Variants in CEP83 observed in about 807,000 individuals in gnomAD.
CEP83 encodes the protein centrosomal protein 83.
Under a neutral mutation model 101.9 loss-of-function variants are expected in CEP83, and 70 were observed. The observed-to-expected ratio is 0.69, with a 90% CI of 0.57 to 0.84. CEP83 has a LOEUF of 0.84. Ranked by LOEUF, CEP83 falls within the 40% of genes least tolerant of loss-of-function variation. The pLI is 0.00. For synonymous variants in CEP83, 264 were observed against 267.9 expected, an observed-to-expected ratio of 0.99 and a Z score of 0.14; for missense variants, 715 against 787.2, an observed-to-expected ratio of 0.91 and a Z score of 1.10.
the CEP83 span, among the ~76,000 whole-genome samples, chr12:94,266,192 C>A: frequency 6.6e-6 from 1 of 152,130 alleles, no homozygotes; most frequent in Non-Finnish European, 1.5e-5. Flanking sequence ...GGAGAAGGCA[C>A]CACTTTGCCG....
At chr12:94,454,990 A>G (rs543833112) in intron 1 of CEP83, among the ~76,000 whole-genome samples, 2 of 152,012 alleles carry the variant, frequency 1.3e-5, no homozygotes, top group Non-Finnish European at 2.9e-5. Context: ...CAGAAGGAAG[A>G]AACTCCGGAC....
chr12:94,441,547 G>T (rs2066397432), intron 1 of CEP83, among the ~76,000 whole-genome samples: 1 of 152,120 alleles, frequency 6.6e-6, no homozygotes. Flanking sequence ...TAGTGAAAAG[G>T]GAACACTTTT....
chr12:94,323,559 C>T (rs991416708), intron 14 of CEP83, among the ~76,000 whole-genome samples: 1 of 152,116 alleles, frequency 6.6e-6, no homozygotes, highest in African/African-American at 2.4e-5. Flanking sequence ...AATCCCAATG[C>T]GTGTACCTGG....
intron 1 of CEP83, among the ~76,000 whole-genome samples, chr12:94,448,212 CA>C (rs1176177369): frequency 6.6e-6 from 1 of 151,790 alleles, no homozygotes; most frequent in Non-Finnish European, 1.5e-5. Context: ...ATATTACAGA[CA>C]AAGGAGGCCA....
intron 11 of CEP83, among the ~76,000 whole-genome samples, chr12:94,349,863 T>C (rs909718941): frequency 6.6e-6 from 1 of 152,046 alleles, no homozygotes; most frequent in African/African-American, 2.4e-5. Flanking sequence ...ACACTAACAA[T>C]GAATACTATG....
chr12:94,312,875 A>C (rs1970086127), intron 15 of CEP83, 39 bp downstream of exon 15: 3 of 1,284,636 alleles, frequency 2.3e-6, no homozygotes, highest in Non-Finnish European at 3.3e-6. Flanking sequence ...ATGACATCAA[A>C]ATAACCACAT....
In CEP83 at chr12:94,367,819, T is replaced by A. The variant is rs1483402500; in HGVS notation, c.1318A>T (p.Thr440Ser). Residue 440 changes from threonine (T) to serine (S), a missense_variant, in exon 11 of 17, where the codon ACC (threonine) becomes TCC (serine). Thr to Ser is a moderately conservative substitution (Grantham distance 58, BLOSUM62 1). Coordinates refer to ENST00000397809, the MANE Select transcript of CEP83 (RefSeq NM_016122.3). Reference protein sequence around the residue: ...LRASQMAEEITRKELQSVRLK... With the variant: ...LRASQMAEEISRKELQSVRLK... ...CTAACACTCTGAAGCTCCTTCCTGGTGATCTCTTCTGCCATCTGTGAAGCC... is the reference window on the plus strand; with the variant it reads ...CTAACACTCTGAAGCTCCTTCCTGGAGATCTCTTCTGCCATCTGTGAAGCC... 5.6e-6 allele frequency: 9 copies of A among 1,612,402 alleles called. No homozygotes were observed. The Admixed American group carries it at 1.3e-4, about 24-fold the overall frequency.
At chr12:94,266,202 G>A in the CEP83 span, among the ~76,000 whole-genome samples, 85 of 152,288 alleles carry the variant, frequency 5.6e-4, no homozygotes, top group African/African-American at 1.8e-3. Context: ...CCACTTTGCC[G>A]TGGAGCGTGT....
chr12:94,316,964 G>A (rs1432258752), intron 14 of CEP83, among the ~76,000 whole-genome samples: 1 of 152,050 alleles, frequency 6.6e-6, no homozygotes, highest in African/African-American at 2.4e-5. Context: ...TGGGTCCAAT[G>A]GTAGTTGTTT....
Position 94,367,815 on chromosome 12 carries a change from C to T in CEP83, c.1322G>A (p.Arg441Lys). The change falls in exon 11 of 17, where the codon AGG (arginine) becomes AAG (lysine). Residue 441 changes from arginine (R) to lysine (K), a missense_variant. Arg to Lys is a conservative substitution (Grantham distance 26, BLOSUM62 2). Transcript: ENST00000397809. ...RASQMAEEITRKELQSVRLKL... is the reference protein window; with the variant it reads ...RASQMAEEITKKELQSVRLKL... ...TAACCTAACACTCTGAAGCTCCTTC[C>T]TGGTGATCTCTTCTGCCATCTGTGA... is the stretch of plus-strand genomic sequence containing the variant. 6.2e-7 allele frequency: 1 copy of T among 1,612,226 alleles called. No individual in the cohort carries two copies. The highest frequency in any genetic ancestry group is 8.5e-7 in the Non-Finnish European group (1 of 1,179,460).
At chr12:94,355,366 G>A (rs1345142174) in intron 11 of CEP83, among the ~76,000 whole-genome samples, 2 of 152,094 alleles carry the variant, frequency 1.3e-5, no homozygotes, top group Non-Finnish European at 2.9e-5. Flanking sequence ...GGTGGCAGGT[G>A]CCTGTAGTCC....
rs368427434 is a variant in CEP83, at chr12:94,400,856, T to G, written c.543A>C (p.Glu181Asp). 6.8e-7 allele frequency: 1 copy of G among 1,467,656 alleles called. No homozygotes were observed. Among genetic ancestry groups the G allele is most frequent in the Non-Finnish European group, 9.1e-7 (1 of 1,104,782 alleles). The allele number at this position is 1,467,656 out of a possible 1,614,324, so 90.9% of individuals were successfully genotyped here. A position where few individuals can be genotyped will look rare whatever the true frequency, so the allele number is the denominator to read the frequency against. Residue 181 changes from glutamate to aspartate, a missense_variant, in exon 6 of 17, where the codon GAA (glutamate) becomes GAC (aspartate). Glu to Asp is a conservative substitution (Grantham distance 45). Coordinates refer to ENST00000397809, the MANE Select transcript of CEP83 (RefSeq NM_016122.3). The part of the protein sequence containing the change: ...RILDEGKIKY[E>D]SEIARLEEDK... Reference sequence around the variant, plus strand: ...CGTATAATCAATCACTTACCTCTGATTCATATTTTATTTTTCCTTCATCTA... The same window carrying G: ...CGTATAATCAATCACTTACCTCTGAGTCATATTTTATTTTTCCTTCATCTA...
the CEP83 span, among the ~76,000 whole-genome samples, chr12:94,265,907 G>A: frequency 6.6e-6 from 1 of 152,294 alleles, no homozygotes; most frequent in East Asian, 1.9e-4. Context: ...GCACATTTGG[G>A]AATTTCAGAG....
chr12:94,382,365 C>T (rs1460604210), intron 6 of CEP83, among the ~76,000 whole-genome samples: 1 of 149,558 alleles, frequency 6.7e-6, no homozygotes, highest in Non-Finnish European at 1.5e-5. Context: ...TTATTATTTC[C>T]CTCCTTCTGC....
At chr12:94,428,553 A>C (rs188872962) in intron 2 of CEP83, among the ~76,000 whole-genome samples, 14 of 152,324 alleles carry the variant, frequency 9.2e-5, no homozygotes, top group Admixed American at 2.6e-4. Context: ...CTTAAAACTG[A>C]GTTTAACTGA....
intron 6 of CEP83, among the ~76,000 whole-genome samples, chr12:94,390,429 G>A (rs2062448354): frequency 6.6e-6 from 1 of 152,070 alleles, no homozygotes; most frequent in African/African-American, 2.4e-5. Context: ...AATAGCAGCA[G>A]GATCAACAAA....
the CEP83 span, among the ~76,000 whole-genome samples, chr12:94,283,240 G>A: frequency 2.0e-5 from 3 of 152,190 alleles, no homozygotes; most frequent in African/African-American, 7.2e-5. Flanking sequence ...CTTCCTGGAG[G>A]AGGTTATGAC....
At chr12:94,369,841 T>G (rs2061212557) in intron 9 of CEP83, 81 bp downstream of exon 9, 1 of 758,520 alleles carries the variant, frequency 1.3e-6, no homozygotes, top group Non-Finnish European at 2.2e-6. Context: ...AAATAAAAAT[T>G]CAGATTCAAC....
intron 3 of CEP83, 24 bp downstream of exon 3, chr12:94,412,294 C>T (rs1343966454): frequency 1.3e-6 from 2 of 1,563,590 alleles, no homozygotes; most frequent in Admixed American, 4.0e-5. Context: ...AACCAAACCC[C>T]ACTTCTAGAT....
Sources: gnomAD v4.1 joint callset for allele counts (sites outside exome capture counted in the v4.1 genomes callset) on GRCh38, gnomAD v4.1.1 for gene constraint, MANE v1.5 for transcripts, NCBI Gene and HGNC (gene_info 2026-07-23, HGNC 2026-07-21) for gene names.